The following PHACTR1 variants were observed in gnomAD, a reference collection of about 807,000 sequenced individuals.
PHACTR1 encodes RPEL repeat containing 1.
A neutral mutation model predicts 69.2 loss-of-function variants in PHACTR1; 16 were observed. The ratio of observed to expected loss-of-function variants is 0.23; its 90% CI spans 0.16 to 0.35. PHACTR1 has a LOEUF of 0.35. PHACTR1 is among the 10% of genes least tolerant of loss of function. The pLI, the probability that PHACTR1 is intolerant of heterozygous loss-of-function variation, is 1.00. For missense variants in PHACTR1, 510 were observed against 734.7 expected, an observed-to-expected ratio of 0.69 and a Z score of 3.54; for synonymous variants, 312 against 284.5, an observed-to-expected ratio of 1.10 and a Z score of -0.97.
At chr6:13,176,378 A>G (rs1008410590) in intron 6 of PHACTR1, among the ~76,000 whole-genome samples, 1 of 152,142 alleles carries the variant, frequency 6.6e-6, no homozygotes, top group African/African-American at 2.4e-5. Flanking sequence ...TCATGCATCC[A>G]CGTCACTCAC....
At chr6:12,906,612 G>A (rs549557593) in intron 4 of PHACTR1, among the ~76,000 whole-genome samples, 2 of 152,252 alleles carry the variant, frequency 1.3e-5, no homozygotes, top group Admixed American at 1.3e-4. Flanking sequence ...GATAGTACTA[G>A]CTCAGGCAAG....
At chr6:13,171,128 T>C (rs1185384389) in intron 6 of PHACTR1, among the ~76,000 whole-genome samples, 1 of 151,888 alleles carries the variant, frequency 6.6e-6, no homozygotes, top group African/African-American at 2.4e-5. Context: ...GCTCTTCTGC[T>C]CTCCTTTCAT....
intron 4 of PHACTR1, among the ~76,000 whole-genome samples, chr6:13,028,924 G>T (rs1023319980): frequency 1.3e-5 from 2 of 152,192 alleles, no homozygotes; most frequent in African/African-American, 4.8e-5. Flanking sequence ...TTGAGGAAGG[G>T]AGAAATGCTA....
At chr6:12,925,620 C>T (rs1484547781) in intron 4 of PHACTR1, among the ~76,000 whole-genome samples, 3 of 152,128 alleles carry the variant, frequency 2.0e-5, no homozygotes, top group Admixed American at 1.3e-4. Flanking sequence ...ATTCAGAATT[C>T]ATATCTTATT....
intron 4 of PHACTR1, among the ~76,000 whole-genome samples, chr6:12,834,900 A>G (rs568065461): frequency 3.9e-4 from 50 of 129,194 alleles, no homozygotes; most frequent in Admixed American, 1.3e-3. Flanking sequence ...AATGATTACT[A>G]TCAGTGGTGG....
intron 4 of PHACTR1, among the ~76,000 whole-genome samples, chr6:12,959,601 CAG>C (rs1158248969): frequency 3.3e-5 from 5 of 152,160 alleles, no homozygotes; most frequent in Non-Finnish European, 4.4e-5. Context: ...TTAATATCAG[CAG>C]AGTGAGTTCC....
At chr6:13,088,482 G>T (rs117571495) in intron 5 of PHACTR1, among the ~76,000 whole-genome samples, 3 of 152,024 alleles carry the variant, frequency 2.0e-5, no homozygotes, top group Admixed American at 1.3e-4. Context: ...TCTGTACTCC[G>T]AGTGTTTATT....
At chr6:12,763,717 T>TAA (rs1768292840) in intron 4 of PHACTR1, among the ~76,000 whole-genome samples, 1 of 152,182 alleles carries the variant, frequency 6.6e-6, no homozygotes, top group Admixed American at 6.5e-5. Context: ...GTAAAAGCTG[T>TAA]AAACAGCCCC....
chr6:12,773,696 T>TA (rs936760575), intron 4 of PHACTR1, among the ~76,000 whole-genome samples: 15 of 151,812 alleles, frequency 9.9e-5, no homozygotes, highest in South Asian at 4.2e-4. Context: ...ACTTGGCATT[T>TA]AAAAAAAAAT....
Position 13,245,035 on chromosome 6 carries a change from T to G in PHACTR1, c.1391+14842T>G, listed in dbSNP as rs1773402795. ...AAAATCTTCACTATCCATGTTCTTC[T>G]GCCATGGTTTCAGCCGGTCCCTCTG... On this transcript the variant is annotated intron_variant, in intron 10 of 14. Coordinates refer to ENST00000332995, the MANE Select transcript of PHACTR1 (RefSeq NM_030948.6). This position sits in a 1 kb window ranked among gnomAD's most constrained non-coding sequence, Gnocchi z 4.1. Among the ~76,000 whole-genome samples the G allele has an allele frequency of 6.6e-6, 1 of 152,264 alleles. No homozygotes were observed. The highest frequency in any genetic ancestry group is 1.5e-5 in the Non-Finnish European group (1 of 68,046).
intron 4 of PHACTR1, among the ~76,000 whole-genome samples, chr6:12,905,402 C>A (rs1386290922): frequency 1.3e-5 from 2 of 152,152 alleles, no homozygotes; most frequent in Non-Finnish European, 2.9e-5. Flanking sequence ...TGCCTGTTCC[C>A]ATACTATGTG....
intron 5 of PHACTR1, among the ~76,000 whole-genome samples, chr6:13,069,070 C>G (rs1417384252): frequency 6.6e-6 from 1 of 152,072 alleles, no homozygotes; most frequent in Non-Finnish European, 1.5e-5. Flanking sequence ...GAGGCCAGTG[C>G]TGTTTTACAA....
intron 4 of PHACTR1, among the ~76,000 whole-genome samples, chr6:12,803,066 T>C (rs1394466733): frequency 5.9e-5 from 9 of 152,214 alleles, no homozygotes. Context: ...CCATAACTTT[T>C]CCCCTTTCAA....
chr6:12,895,961 G>A (rs1172543586), intron 4 of PHACTR1, among the ~76,000 whole-genome samples: 1 of 152,212 alleles, frequency 6.6e-6, no homozygotes, highest in Non-Finnish European at 1.5e-5. Flanking sequence ...GTTTCCTAGT[G>A]AAGAAGCCCT....
At position 12,891,849 on chromosome 6, in the gene PHACTR1, ACT is replaced by A. The variant is rs529027605; in HGVS notation, c.250+142063_250+142064del. 3.2e-4 allele frequency among the ~76,000 whole-genome samples: 48 copies of A among 152,314 alleles called. No homozygotes were observed. In the South Asian group the frequency reaches 4.1e-3, roughly 13 times the overall value. On this transcript the variant is annotated intron_variant, in intron 4 of 14. Transcript: ENST00000332995. ...ATTCATTTCACCTACATTCTGTGTA[ACT>A]CTCAGCAAGTCTTTTAAACGCCCAA... is the stretch of plus-strand genomic sequence containing the variant.
intron 11 of PHACTR1, 110 bp downstream of exon 11, chr6:13,273,025 AC>A: frequency 1.4e-6 from 2 of 1,465,140 alleles, no homozygotes; most frequent in Non-Finnish European, 1.9e-6. Flanking sequence ...AGCATTGAAA[AC>A]CTTTCTAACG....
chr6:12,797,040 T>TGTGTGTGTGAGAGA (rs563796658), intron 4 of PHACTR1, among the ~76,000 whole-genome samples: 23 of 133,394 alleles, frequency 1.7e-4, no homozygotes, highest in Admixed American at 1.2e-3. Context: ...TGTGTGTGTG[T>TGTGTGTGTGAGAGA]GAGAGAGAGA....
At chr6:13,103,808 G>T (rs1049702676) in intron 5 of PHACTR1, among the ~76,000 whole-genome samples, 15 of 152,198 alleles carry the variant, frequency 9.9e-5, no homozygotes, top group Non-Finnish European at 2.9e-5. Flanking sequence ...TATTGGCAGG[G>T]TGCAGTGGCG....
intron 7 of PHACTR1, among the ~76,000 whole-genome samples, chr6:13,195,034 T>C (rs1328086951): frequency 6.6e-6 from 1 of 152,156 alleles, no homozygotes; most frequent in African/African-American, 2.4e-5. Flanking sequence ...TCTCTCAACA[T>C]CATCCCTCTC....
Sources: allele counts gnomAD v4.1 joint callset (sites outside exome capture counted in the v4.1 genomes callset), GRCh38; gene constraint gnomAD v4.1.1; non-coding constraint Gnocchi (gnomAD v3.1); transcripts MANE v1.5; gene names NCBI Gene and HGNC (gene_info 2026-07-23, HGNC 2026-07-21).